Variants in UGT1A7 observed in about 807,000 individuals in gnomAD.
The protein encoded by UGT1A7 is UDP glucuronosyltransferase family 1 member A7, also known as UDP-glucuronosyltransferase 1A7.
UGT1A7 carries 33 observed loss-of-function variants against 45.6 expected under a neutral mutation model. That is an observed-to-expected ratio of 0.72 (90% CI 0.55 to 0.97). UGT1A7 has a LOEUF of 0.97. Among genes scored for constraint, UGT1A7 ranks in the 50% least tolerant of loss-of-function variants. The pLI is 0.00. For synonymous variants in UGT1A7, 274 were observed against 250.6 expected (o/e 1.09, Z -0.88); for missense variants, 684 against 666.2 (o/e 1.03, Z -0.29).
Position 233,772,356 on chromosome 2 carries a change from A to G in UGT1A7, c.1390A>G (p.Arg464Gly). Reference protein sequence around the residue: ...LAVFWVEFVMRHKGAPHLRPA... With the variant: ...LAVFWVEFVMGHKGAPHLRPA... ...CGTGTTCTGGGTGGAGTTTGTGATG[A>G]GGCACAAGGGCGCGCCACACCTGCG... The change falls in exon 5 of 5, where the codon AGG (arginine) becomes GGG (glycine). Residue 464 changes from arginine to glycine, a missense_variant. Transcript: ENST00000373426. 6.2e-7 allele frequency: 1 copy of G among 1,614,222 alleles called. No individual in the cohort carries two copies. The highest frequency in any genetic ancestry group is 1.6e-4 in the Middle Eastern group (1 of 6,062).
chr2:233,725,118 G>C (rs1450437592), intron 1 of UGT1A7, among the ~76,000 whole-genome samples: 1 of 140,180 alleles, frequency 7.1e-6, no homozygotes, highest in Non-Finnish European at 1.5e-5. Context: ...GGAGGTTGCA[G>C]TGAGCCGAGA....
chr2:233,713,574 C>T (rs1477870335), intron 1 of UGT1A7: 1 of 1,613,856 alleles, frequency 6.2e-7, no homozygotes. Flanking sequence ...CTCCTATATT[C>T]CTAGATTACT....
intron 1 of UGT1A7, among the ~76,000 whole-genome samples, chr2:233,700,770 G>A (rs909879042): frequency 6.6e-6 from 1 of 151,558 alleles, no homozygotes; most frequent in African/African-American, 2.4e-5. Flanking sequence ...TGTGCACAAC[G>A]TACAGGTTTG....
chr2:233,760,501 G>T, intron 1 of UGT1A7: 2 of 1,614,238 alleles, frequency 1.2e-6, no homozygotes, highest in East Asian at 2.2e-5. Context: ...CAGAGACGGA[G>T]CATTTTACAC....
chr2:233,750,975 G>A (rs1468208410), intron 1 of UGT1A7, among the ~76,000 whole-genome samples: 2 of 151,842 alleles, frequency 1.3e-5, no homozygotes, highest in African/African-American at 2.4e-5. Flanking sequence ...GCCTAGTGGA[G>A]TTGTGAGAAG....
chr2:233,690,402 C>T (rs1273231905), intron 1 of UGT1A7: 1 of 1,162,898 alleles, frequency 8.6e-7, no homozygotes, highest in Admixed American at 2.5e-5. Flanking sequence ...TTCCTATTCC[C>T]AACATGAAAT....
At chr2:233,713,959 G>T in intron 1 of UGT1A7, 2 of 1,607,338 alleles carry the variant, frequency 1.2e-6, no homozygotes, top group South Asian at 2.2e-5. Flanking sequence ...TCTTTCCAAA[G>T]ATTTCATTTC....
At chr2:233,743,166 TA>T in intron 1 of UGT1A7, 1 of 363,344 alleles carries the variant, frequency 2.8e-6, no homozygotes, top group East Asian at 7.3e-5. Context: ...CAGATGTGCT[TA>T]AAGTCAAATG....
In UGT1A7 at chr2:233,682,226, C is replaced by A; in HGVS notation, c.289C>A (p.Arg97Ser). ...GGAGTTCATGGTTTTTGCCGATGCTCGCTGGACGGCACCATTGCGAAGTGC... is the reference window on the plus strand; with the variant it reads ...GGAGTTCATGGTTTTTGCCGATGCTAGCTGGACGGCACCATTGCGAAGTGC... ...DREFMVFADA[R>S]WTAPLRSAFS... The change falls in exon 1 of 5, where the codon CGC (arginine) becomes AGC (serine). Residue 97 changes from arginine (R) to serine (S), a missense_variant. Arg to Ser is a moderately radical substitution (Grantham distance 110). Coordinates refer to ENST00000373426, the MANE Select transcript of UGT1A7 (RefSeq NM_019077.3). 1 of 1,614,196 alleles carries A rather than the reference C, an allele frequency of 6.2e-7. No homozygotes were observed.
chr2:233,705,759 G>T (rs2125601596), intron 1 of UGT1A7, among the ~76,000 whole-genome samples: 1 of 152,288 alleles, frequency 6.6e-6, no homozygotes. Context: ...CAGATCAGCT[G>T]CATACTTTGA....
At chr2:233,711,223 C>T (rs1464133261) in intron 1 of UGT1A7, among the ~76,000 whole-genome samples, 2 of 152,210 alleles carry the variant, frequency 1.3e-5, no homozygotes, top group Non-Finnish European at 2.9e-5. Flanking sequence ...GCTCCCATGT[C>T]GCTGAAGGCA....
chr2:233,690,288 G>C (rs916343579), intron 1 of UGT1A7, among the ~76,000 whole-genome samples: 5 of 152,148 alleles, frequency 3.3e-5, no homozygotes, highest in Non-Finnish European at 5.9e-5. Context: ...AAATCTTGCA[G>C]GTGGGTCCTG....
At position 233,744,023 on chromosome 2, in the gene UGT1A7, C is replaced by T. The variant is rs374542514; in HGVS notation, c.856-23011C>T. 1.7e-4 allele frequency: 161 copies of T among 963,346 alleles called. 1 individual carries two copies. In the Middle Eastern group the frequency reaches 2.6e-3, roughly 15 times the overall value. The allele number at this position is 963,346 out of a possible 1,614,324, so 59.7% of individuals were successfully genotyped here. On this transcript the variant is annotated intron_variant, in intron 1 of 4. Coordinates refer to ENST00000373426, the MANE Select transcript of UGT1A7 (RefSeq NM_019077.3). ...CGGAGACCTGGGCCGCCTGGAGAGA[C>T]GCCCCTTATGACGCAGCCACATCTC...
rs772862316 is a variant in UGT1A7, at chr2:233,682,302, C to T, written c.365C>T (p.Ser122Leu). ...AATGGTATTTTTGACTTATTTTTTTCAAATTGCAGGAGTTTGTTTAATGAC... is the reference window on the plus strand; with the variant it reads ...AATGGTATTTTTGACTTATTTTTTTTAAATTGCAGGAGTTTGTTTAATGAC... ...SSNGIFDLFF[S>L]NCRSLFNDRK... The change falls in exon 1 of 5, where the codon TCA (serine) becomes TTA (leucine). Residue 122 changes from serine (S) to leucine (L), a missense_variant. Coordinates refer to ENST00000373426, the MANE Select transcript of UGT1A7 (RefSeq NM_019077.3). The T allele has an allele frequency of 1.2e-6, 2 of 1,614,078 alleles. No individual in the cohort carries two copies. The highest frequency in any genetic ancestry group is 8.5e-7 in the Non-Finnish European group (1 of 1,180,004).
At chr2:233,686,325 T>C (rs2074783481) in intron 1 of UGT1A7, among the ~76,000 whole-genome samples, 2 of 152,026 alleles carry the variant, frequency 1.3e-5, no homozygotes. Flanking sequence ...TTTATCAAAA[T>C]GTTTTTATAC....
At chr2:233,721,924 G>A (rs2076980343) in intron 1 of UGT1A7, 1 of 395,850 alleles carries the variant, frequency 2.5e-6, no homozygotes, top group East Asian at 7.1e-5. Context: ...TCCATAAAGT[G>A]ACATCCTTCA....
rs750647558 is a variant in UGT1A7 at position 233,719,225 on chromosome 2, G to A, written c.855+36433G>A. On this transcript the variant is annotated intron_variant, in intron 1 of 4. Coordinates refer to ENST00000373426, the MANE Select transcript of UGT1A7 (RefSeq NM_019077.3). ...GTTGTGTGGAGCTACTGCATAATGA[G>A]GCCCTGATCAGGCACCTGAATGCTA... The A allele has an allele frequency of 4.3e-6, 7 of 1,614,052 alleles. No homozygotes were observed. In the South Asian group the frequency reaches 5.5e-5, roughly 13 times the overall value.
At position 233,754,818 on chromosome 2, in the gene UGT1A7, T is replaced by C. The variant is rs536023413; in HGVS notation, c.856-12216T>C. The stretch of plus-strand genomic sequence containing the variant: ...TGTATCAAAAGAAGAAAAACCACCC[T>C]CAAAAGCTGGAAATTCACTGAAGGC... On this transcript the variant is annotated intron_variant, in intron 1 of 4. Transcript: ENST00000373426. 419 of 1,332,122 alleles carry C rather than the reference T, an allele frequency of 3.1e-4. 1 individual carries two copies. The highest frequency in any genetic ancestry group is 3.7e-4 in the Non-Finnish European group (370 of 994,872). The allele number at this position is 1,332,122 out of a possible 1,614,324, so 82.5% of individuals were successfully genotyped here.
At chr2:233,716,619 T>C (rs1353920289) in intron 1 of UGT1A7, among the ~76,000 whole-genome samples, 1 of 152,234 alleles carries the variant, frequency 6.6e-6, no homozygotes, top group Non-Finnish European at 1.5e-5. Context: ...AGGTTTATTC[T>C]AGTGAAGTTT....
Sources: allele counts gnomAD v4.1 joint callset (sites outside exome capture counted in the v4.1 genomes callset), GRCh38; gene constraint gnomAD v4.1.1; transcripts MANE v1.5; gene names NCBI Gene and HGNC (gene_info 2026-07-23, HGNC 2026-07-21).